Variants in CCSER1 observed in about 807,000 individuals in gnomAD.
The protein encoded by CCSER1 is serine-rich coiled-coil domain-containing protein 1.
A neutral mutation model predicts 82.0 loss-of-function variants in CCSER1; 41 were observed. That is an observed-to-expected ratio of 0.50 (90% CI 0.39 to 0.65). The LOEUF is 0.65. Among genes scored for constraint, CCSER1 ranks in the 30% least tolerant of loss-of-function variants. The pLI is 0.00. For synonymous variants in CCSER1, 414 were observed against 383.9 expected (o/e 1.08, Z -0.92); for missense variants, 1,119 against 1,064.2 (o/e 1.05, Z -0.72).
chr4:90,984,302 G>A (rs1354358407), intron 9 of CCSER1, among the ~76,000 whole-genome samples: 3 of 151,746 alleles, frequency 2.0e-5, no homozygotes, highest in Non-Finnish European at 2.9e-5. Context: ...GAAAAACAGA[G>A]TCATAATTAC....
chr4:90,778,025 T>A (rs1031142576), intron 7 of CCSER1, among the ~76,000 whole-genome samples: 2 of 151,922 alleles, frequency 1.3e-5, no homozygotes, highest in African/African-American at 4.8e-5. Context: ...AAAAAAAAAA[T>A]GTTTTCTTAT....
intron 5 of CCSER1, among the ~76,000 whole-genome samples, chr4:90,485,662 C>G (rs181417376): frequency 6.6e-6 from 1 of 152,146 alleles, no homozygotes; most frequent in African/African-American, 2.4e-5. Flanking sequence ...AAGCCTAGTA[C>G]TCATTAGTGA....
At chr4:91,180,668 A>G (rs2149028648) in intron 10 of CCSER1, among the ~76,000 whole-genome samples, 1 of 152,248 alleles carries the variant, frequency 6.6e-6, no homozygotes, top group East Asian at 1.9e-4. Context: ...AAAGTGCAGT[A>G]TTAGGGTGTT....
At chr4:91,034,824 T>C (rs149010159) in intron 9 of CCSER1, among the ~76,000 whole-genome samples, 34 of 152,212 alleles carry the variant, frequency 2.2e-4, no homozygotes, top group Non-Finnish European at 1.9e-4. Flanking sequence ...TTTTACATGG[T>C]AGGAAATCAA....
intron 10 of CCSER1, among the ~76,000 whole-genome samples, chr4:91,462,699 C>A (rs1204664499): frequency 6.6e-6 from 1 of 152,194 alleles, no homozygotes; most frequent in Non-Finnish European, 1.5e-5. Flanking sequence ...AAATGGCACA[C>A]CAGGAGATTA....
At chr4:91,550,388 A>G (rs547747705) in intron 10 of CCSER1, among the ~76,000 whole-genome samples, 21 of 152,212 alleles carry the variant, frequency 1.4e-4, no homozygotes, top group African/African-American at 4.3e-4. Context: ...CAATTCATCA[A>G]TTACAGTTTA....
intron 10 of CCSER1, among the ~76,000 whole-genome samples, chr4:91,471,856 G>C (rs1004864108): frequency 6.6e-6 from 1 of 150,802 alleles, no homozygotes; most frequent in Non-Finnish European, 1.5e-5. Flanking sequence ...TGTAGTCCTA[G>C]CTACTCATGA....
At chr4:90,496,185 T>G (rs1178186038) in intron 5 of CCSER1, among the ~76,000 whole-genome samples, 2 of 152,178 alleles carry the variant, frequency 1.3e-5, no homozygotes, top group African/African-American at 4.8e-5. Context: ...TTAAAGAAGC[T>G]TAACAGAATG....
chr4:90,489,413 T>A (rs1460043084), intron 5 of CCSER1, among the ~76,000 whole-genome samples: 1 of 152,120 alleles, frequency 6.6e-6, no homozygotes, highest in Non-Finnish European at 1.5e-5. Flanking sequence ...AGGACTGGGG[T>A]AAAGAACAGA....
intron 6 of CCSER1, among the ~76,000 whole-genome samples, chr4:90,672,439 A>G (rs1732969613): frequency 6.6e-6 from 1 of 152,044 alleles, no homozygotes; most frequent in Non-Finnish European, 1.5e-5. Context: ...TAGCCTTCAT[A>G]GAATTGAAGA....
chr4:91,368,753 A>G (rs1045855495), intron 10 of CCSER1, among the ~76,000 whole-genome samples: 1 of 152,174 alleles, frequency 6.6e-6, no homozygotes, highest in Non-Finnish European at 1.5e-5. Context: ...AAATAACTAT[A>G]AAGTTCACAA....
At chr4:90,305,662 G>A (rs1429144204) in intron 1 of CCSER1, among the ~76,000 whole-genome samples, 1 of 152,128 alleles carries the variant, frequency 6.6e-6, no homozygotes, top group African/African-American at 2.4e-5. Flanking sequence ...GTTTTGGAGT[G>A]TTTCACATAT....
rs569421118 is a variant in CCSER1 at position 90,863,642 on chromosome 4, C to G, written c.2094+47797C>G. Among the ~76,000 whole-genome samples, 5 of 150,642 alleles carry G rather than the reference C, an allele frequency of 3.3e-5. No homozygotes were observed. The East Asian group carries it at 9.8e-4, about 30-fold the overall frequency. On this transcript the variant is annotated intron_variant, in intron 8 of 10. Coordinates refer to ENST00000509176, the MANE Select transcript of CCSER1 (RefSeq NM_001145065.2). ...GTTAGATATTTAATATTGTTATTAT[C>G]CAAAATAACATTTGAAGATTGTCAC...
intron 4 of CCSER1, among the ~76,000 whole-genome samples, chr4:90,431,763 A>G (rs1052513403): frequency 1.3e-5 from 2 of 152,140 alleles, no homozygotes; most frequent in African/African-American, 4.8e-5. Context: ...AGTTGAAATA[A>G]AGAGCATATG....
At chr4:90,224,278 C>A (rs1311686444) in intron 1 of CCSER1, among the ~76,000 whole-genome samples, 1 of 152,176 alleles carries the variant, frequency 6.6e-6, no homozygotes, top group Non-Finnish European at 1.5e-5. Context: ...ATTTTATTCA[C>A]TTTTTCCCAA....
At chr4:90,146,839 A>C (rs1725900247) in intron 1 of CCSER1, among the ~76,000 whole-genome samples, 1 of 152,128 alleles carries the variant, frequency 6.6e-6, no homozygotes, top group Non-Finnish European at 1.5e-5. Context: ...TCAAATCAGT[A>C]TCAATGCTGC....
At chr4:90,227,764 C>T (rs561832671) in intron 1 of CCSER1, among the ~76,000 whole-genome samples, 65 of 152,264 alleles carry the variant, frequency 4.3e-4, no homozygotes, top group East Asian at 1.9e-3. Flanking sequence ...AATGGGTGCG[C>T]GCACCATGCA....
intron 9 of CCSER1, among the ~76,000 whole-genome samples, chr4:91,000,214 GTATAGGTATAGTATAGTATAGTATA>G (rs756592677): frequency 1.8e-3 from 253 of 140,464 alleles, no homozygotes; most frequent in East Asian, 0.011. Context: ...GTATAGTATA[GTATAGGTATAGTATAGTATAGTATA>G]GTATAGTATA....
intron 6 of CCSER1, among the ~76,000 whole-genome samples, chr4:90,703,124 C>T (rs548403436): frequency 7.9e-5 from 12 of 152,274 alleles, no homozygotes; most frequent in Middle Eastern, 3.4e-3. Flanking sequence ...CTATAAATTT[C>T]CCTCTACACA....
Sources: allele counts gnomAD v4.1 joint callset (sites outside exome capture counted in the v4.1 genomes callset), GRCh38; gene constraint gnomAD v4.1.1; transcripts MANE v1.5; gene names NCBI Gene and HGNC (gene_info 2026-07-23, HGNC 2026-07-21).